Variants in SSBP3 observed in about 807,000 individuals in gnomAD.
SSBP3 encodes the protein single stranded DNA binding protein 3.
Under a neutral mutation model 69.6 loss-of-function variants are expected in SSBP3, and 5 were observed. The observed-to-expected ratio is 0.07, with a 90% CI of 0.04 to 0.15. The LOEUF (loss-of-function observed/expected upper bound fraction) is 0.15, where lower values mean the gene tolerates loss of function less well. Ranked by LOEUF, SSBP3 falls within the 10% of genes least tolerant of loss-of-function variation. SSBP3 has a pLI of 1.00. For missense variants in SSBP3, 312 were observed against 534.0 expected (o/e 0.58, Z 4.10); for synonymous variants, 196 against 193.4 (o/e 1.01, Z -0.11).
intron 4 of SSBP3, among the ~76,000 whole-genome samples, chr1:54,305,248 T>C (rs899024622): frequency 6.6e-6 from 1 of 151,998 alleles, no homozygotes; most frequent in African/African-American, 2.4e-5. Flanking sequence ...TAGCTGTGAG[T>C]TTCTCAGCAC....
chr1:54,259,760 G>T (rs565497087), intron 5 of SSBP3, among the ~76,000 whole-genome samples: 1 of 152,206 alleles, frequency 6.6e-6, no homozygotes. Context: ...ACCCGAGGGC[G>T]CCGCCGCTGT....
chr1:54,275,197 G>A (rs777264167), intron 5 of SSBP3, among the ~76,000 whole-genome samples: 9 of 152,152 alleles, frequency 5.9e-5, no homozygotes, highest in Non-Finnish European at 1.0e-4. Context: ...GCTAAGGGAC[G>A]ACCAAGCAAG....
chr1:54,292,101 G>T (rs1039539906), intron 4 of SSBP3, among the ~76,000 whole-genome samples: 12 of 152,188 alleles, frequency 7.9e-5, no homozygotes, highest in Non-Finnish European at 1.5e-4. Flanking sequence ...AGACCCTTCA[G>T]CCAAGACTCT....
intron 5 of SSBP3, among the ~76,000 whole-genome samples, chr1:54,274,918 G>A (rs913128598): frequency 4.6e-5 from 7 of 151,402 alleles, no homozygotes; most frequent in Admixed American, 4.6e-4. Flanking sequence ...CCTCTCGCCT[G>A]GCACACTCCC....
intron 4 of SSBP3, among the ~76,000 whole-genome samples, chr1:54,355,675 C>T (rs1238720804): frequency 6.6e-6 from 1 of 152,182 alleles, no homozygotes; most frequent in Admixed American, 6.5e-5. Context: ...GAGAGCTCCC[C>T]TGCCTCCCAA....
At chr1:54,404,659 C>G (rs1205758801) in intron 2 of SSBP3, 22 bp from the exon 3 acceptor site, 1 of 1,613,918 alleles carries the variant, frequency 6.2e-7, no homozygotes, top group East Asian at 2.2e-5. Flanking sequence ...AGAGCAGAAG[C>G]AGCTTAGAGG....
At chr1:54,345,417 C>A (rs1195775153) in intron 4 of SSBP3, among the ~76,000 whole-genome samples, 1 of 152,066 alleles carries the variant, frequency 6.6e-6, no homozygotes, top group Non-Finnish European at 1.5e-5. Context: ...AGGGAAAAGA[C>A]CAAGGCACTG....
chr1:54,401,725 G>A (rs1279953056), intron 4 of SSBP3, 136 bp downstream of exon 4: 3 of 664,916 alleles, frequency 4.5e-6, no homozygotes, highest in Non-Finnish European at 7.8e-6. Context: ...CTGCAGAGAG[G>A]TGGGCAGGGG....
intron 4 of SSBP3, among the ~76,000 whole-genome samples, chr1:54,289,389 G>T (rs1322843277): frequency 6.6e-6 from 1 of 151,800 alleles, no homozygotes; most frequent in African/African-American, 2.4e-5. Flanking sequence ...AACAAGGTGG[G>T]GGGTGGGGTG....
rs1645923378 is a variant in SSBP3, at chr1:54,307,590, TG to T, written c.277-26064del. On this transcript the variant is annotated intron_variant, in intron 4 of 17. Coordinates refer to ENST00000610401, the Ensembl canonical transcript of SSBP3. ...GAAAAGGAGCTGGGTAAGATGAGGC[TG>T]AAACCTACTGAGCTGCATTCTAAGT... 3.3e-5 allele frequency among the ~76,000 whole-genome samples: 5 copies of T among 152,326 alleles called. No individual in the cohort carries two copies. In the South Asian group the frequency reaches 1.0e-3, roughly 32 times the overall value.
At chr1:54,283,598 A>C (rs1645435278) in intron 4 of SSBP3, among the ~76,000 whole-genome samples, 1 of 152,224 alleles carries the variant, frequency 6.6e-6, no homozygotes, top group Non-Finnish European at 1.5e-5. Context: ...AGCAACAAAG[A>C]AATACAGGGA....
intron 4 of SSBP3, among the ~76,000 whole-genome samples, chr1:54,363,456 A>G (rs749853871): frequency 1.4e-4 from 22 of 152,244 alleles, no homozygotes; most frequent in Admixed American, 1.4e-3. Flanking sequence ...CTACCAAATC[A>G]GCAATCTGAT....
At chr1:54,413,077 T>G (rs748297214) in intron 1 of SSBP3, 2 of 152,186 alleles carry the variant, frequency 1.3e-5, no homozygotes, top group Non-Finnish European at 2.9e-5. Context: ...TGGGAAAGAC[T>G]TACGGACATG....
intron 4 of SSBP3, among the ~76,000 whole-genome samples, chr1:54,305,909 T>C (rs1479806672): frequency 6.6e-6 from 1 of 150,552 alleles, no homozygotes; most frequent in African/African-American, 2.5e-5. Flanking sequence ...CACTCTTATC[T>C]GCAAGCTGTT....
At chr1:54,235,966 A>G (rs550058398) in intron 14 of SSBP3, among the ~76,000 whole-genome samples, 70 of 152,292 alleles carry the variant, frequency 4.6e-4, no homozygotes, top group African/African-American at 1.6e-3. Context: ...TAAATGGGTC[A>G]TTATTCCTGC....
At chr1:54,252,812 A>C (rs541263797) in intron 7 of SSBP3, among the ~76,000 whole-genome samples, 4 of 152,316 alleles carry the variant, frequency 2.6e-5, no homozygotes, top group African/African-American at 7.2e-5. Context: ...GGGCTTTATA[A>C]ATATGAGCTT....
At chr1:54,387,321 C>A (rs11206344) in intron 4 of SSBP3, among the ~76,000 whole-genome samples, 88,822 of 152,006 alleles carry the variant, frequency 0.58, 26,968 homozygotes, top group African/African-American at 0.74. Flanking sequence ...CCAACCTCTC[C>A]TTGACAGCAA....
At position 54,405,937 on chromosome 1, in the gene SSBP3, G is replaced by C. The variant is rs1220619751; in HGVS notation, c.56+16C>G. ...CCCGGCGGCGGCGCGGCCGCCACTTGCAAAATAGGGCTTACTTTTCCCGAG... is the reference window on the plus strand; with the variant it reads ...CCCGGCGGCGGCGCGGCCGCCACTTCCAAAATAGGGCTTACTTTTCCCGAG... On this transcript the variant is annotated intron_variant, in intron 1 of 17. Coordinates refer to ENST00000610401, the Ensembl canonical transcript of SSBP3. 5.6e-6 allele frequency: 7 copies of C among 1,253,622 alleles called. No homozygotes were observed. The highest frequency in any genetic ancestry group is 6.1e-6 in the Non-Finnish European group (6 of 975,918). The allele number at this position is 1,253,622 out of a possible 1,614,324, so 77.7% of individuals were successfully genotyped here.
At chr1:54,280,027 T>C (rs773277262) in intron 5 of SSBP3, among the ~76,000 whole-genome samples, 2 of 152,204 alleles carry the variant, frequency 1.3e-5, no homozygotes, top group Non-Finnish European at 2.9e-5. Context: ...TTGGCAGTGT[T>C]CTGGGAATGC....
Sources: gnomAD v4.1 joint callset for allele counts (sites outside exome capture counted in the v4.1 genomes callset) on GRCh38, gnomAD v4.1.1 for gene constraint, MANE v1.5 for transcripts, NCBI Gene and HGNC (gene_info 2026-07-23, HGNC 2026-07-21) for gene names.